Variants in TMEM39A observed in about 807,000 individuals in gnomAD.
TMEM39A encodes transmembrane protein 39A, also known as suppressor of SQST-1 aggregates in rpl-43 mutants.
A neutral mutation model predicts 51.9 loss-of-function variants in TMEM39A; 19 were observed. The ratio of observed to expected loss-of-function variants is 0.37; its 90% CI spans 0.26 to 0.54. TMEM39A has a LOEUF of 0.54. Ranked by LOEUF, TMEM39A falls within the 20% of genes least tolerant of loss-of-function variation. The pLI is 0.88. For synonymous variants in TMEM39A, 197 were observed against 220.2 expected (o/e 0.89, Z 0.93); for missense variants, 433 against 590.5 (o/e 0.73, Z 2.76).
intron 8 of TMEM39A, 134 bp downstream of exon 8, chr3:119,434,628 T>C: frequency 7.6e-7 from 1 of 1,317,910 alleles, no homozygotes; most frequent in Admixed American, 2.2e-5. Flanking sequence ...GGACCACTGT[T>C]ACGCTAGTAG....
intron 7 of TMEM39A, chr3:119,435,229 G>C (rs1359635237): frequency 2.0e-6 from 2 of 985,306 alleles, no homozygotes; most frequent in Non-Finnish European, 2.4e-6. Context: ...GAGTCTACTG[G>C]TGGAAATGCT....
At chr3:119,437,580 G>A (rs72970308) in intron 6 of TMEM39A, among the ~76,000 whole-genome samples, 175 bp downstream of exon 6, 2,942 of 151,510 alleles carry the variant, frequency 0.019, 84 homozygotes, top group African/African-American at 0.067. Flanking sequence ...TCACATATAT[G>A]GAAATACCTA....
intron 5 of TMEM39A, among the ~76,000 whole-genome samples, chr3:119,446,211 T>C (rs892400808): frequency 6.6e-6 from 1 of 152,242 alleles, no homozygotes; most frequent in Admixed American, 6.5e-5. Flanking sequence ...AGTCAAGAAC[T>C]TTCCCTTTTC....
chr3:119,450,404 T>C (rs537271280), intron 4 of TMEM39A, among the ~76,000 whole-genome samples: 11 of 152,230 alleles, frequency 7.2e-5, no homozygotes, highest in Non-Finnish European at 1.6e-4. Flanking sequence ...CTGTATGCTA[T>C]TCCATTATGT....
chr3:119,431,904 T>G lies in TMEM39A; in HGVS notation c.*77A>C. On this transcript the variant is annotated 3_prime_UTR_variant, in exon 9 of 9. Transcript: ENST00000319172. ...ACAAAATATAAAATATCTTAAATAT[T>G]TATAAAAATCACAAGAAAAAAATAG... 1 of 980,680 alleles carries G rather than the reference T, an allele frequency of 1.0e-6. No individual in the cohort carries two copies. Among genetic ancestry groups the G allele is most frequent in the Non-Finnish European group, 1.5e-6 (1 of 686,978 alleles). 60.7% of individuals were successfully genotyped at this position (980,680 alleles called of 1,614,324 possible). A position where few individuals can be genotyped will look rare whatever the true frequency, so the allele number is the denominator to read the frequency against.
At chr3:119,457,516 C>G (rs1344836657) in intron 3 of TMEM39A, among the ~76,000 whole-genome samples, 1 of 152,188 alleles carries the variant, frequency 6.6e-6, no homozygotes, top group African/African-American at 2.4e-5. Context: ...GCTCTTTCCC[C>G]TTCTGGCTGA....
chr3:119,437,747 C>A lies in TMEM39A; in HGVS notation c.924+8G>T. On this transcript the variant is annotated splice_region_variant and intron_variant, in intron 6 of 8. Coordinates refer to ENST00000319172, the MANE Select transcript of TMEM39A (RefSeq NM_018266.3). ...CAGGAAGCACATAAAAGTAAGATAA[C>A]CACTTACCTTCACAAAACACAGGGG... The A allele has an allele frequency of 6.6e-7, 1 of 1,523,142 alleles. No homozygotes were observed. The highest frequency in any genetic ancestry group is 1.3e-5 in the South Asian group (1 of 78,084). 94.4% of individuals were successfully genotyped at this position (1,523,142 alleles called of 1,614,324 possible). A position where few individuals can be genotyped will look rare whatever the true frequency, so the allele number is the denominator to read the frequency against.
At chr3:119,438,701 T>G (rs912444371) in intron 5 of TMEM39A, among the ~76,000 whole-genome samples, 1 of 152,222 alleles carries the variant, frequency 6.6e-6, no homozygotes, top group African/African-American at 2.4e-5. Context: ...TGATAAGGAT[T>G]TTCCCAATAC....
At chr3:119,437,281 G>C (rs2080982301) in intron 6 of TMEM39A, among the ~76,000 whole-genome samples, 1 of 152,164 alleles carries the variant, frequency 6.6e-6, no homozygotes, top group Admixed American at 6.5e-5. Context: ...AATGGGTGAA[G>C]AAAGGGCACT....
chr3:119,460,603 C>T (rs1376710374), intron 2 of TMEM39A, among the ~76,000 whole-genome samples: 1 of 152,110 alleles, frequency 6.6e-6, no homozygotes, highest in Non-Finnish European at 1.5e-5. Flanking sequence ...AGCCCTCCTA[C>T]AGCAACCCCT....
chr3:119,453,235 C>T (rs1331220940), intron 3 of TMEM39A, among the ~76,000 whole-genome samples: 1 of 152,140 alleles, frequency 6.6e-6, no homozygotes, highest in African/African-American at 2.4e-5. Flanking sequence ...ACAATTCCTT[C>T]CAGAATGAAA....
intron 2 of TMEM39A, among the ~76,000 whole-genome samples, chr3:119,458,849 A>G (rs1456304641): frequency 6.6e-6 from 1 of 152,166 alleles, no homozygotes; most frequent in East Asian, 1.9e-4. Flanking sequence ...GAGCTGAGGT[A>G]GCACCATTGC....
At chr3:119,443,063 CAAAAAAAAA>C (rs56263355) in intron 5 of TMEM39A, among the ~76,000 whole-genome samples, 2 of 53,090 alleles carry the variant, frequency 3.8e-5, no homozygotes, top group East Asian at 1.0e-3. Context: ...GACCCTGTCT[CAAAAAAAAA>C]AAAAAAAAAA....
chr3:119,453,715 G>T (rs2081228934), intron 3 of TMEM39A, among the ~76,000 whole-genome samples: 1 of 152,144 alleles, frequency 6.6e-6, no homozygotes, highest in Admixed American at 6.5e-5. Context: ...TTGCCATGCT[G>T]ATGTTATATC....
Position 119,432,085 on chromosome 3 carries a change from G to C in TMEM39A, c.1363C>G (p.Leu455Val). The change falls in exon 9 of 9, where the codon CTC becomes GTC. Residue 455 changes from leucine (L) to valine (V), a missense_variant. Leu to Val is a conservative substitution (Grantham distance 32). This residue lies in a region of TMEM39A where 223 missense variants were observed against 328.1 expected (regional missense o/e 0.68). Transcript: ENST00000319172. ...AATAAAACATAGTAGTTGCAGAAGA[G>C]GATGAGAGCCATGGAAAGTGTGTGG... is the stretch of plus-strand genomic sequence containing the variant. ...WNHTLSMALI[L>V]FCNYYVLFKL... is the part of the protein sequence containing the mutation. The C allele has an allele frequency of 6.2e-7, 1 of 1,613,316 alleles. No individual in the cohort carries two copies. The highest frequency in any genetic ancestry group is 8.5e-7 in the Non-Finnish European group (1 of 1,179,496).
intron 2 of TMEM39A, among the ~76,000 whole-genome samples, chr3:119,458,454 T>C (rs1280020947): frequency 6.6e-6 from 1 of 152,202 alleles, no homozygotes. Context: ...AAGACTATAA[T>C]TTCTCTCCAT....
intron 4 of TMEM39A, among the ~76,000 whole-genome samples, chr3:119,451,980 T>C (rs1215446587): frequency 6.6e-6 from 1 of 152,224 alleles, no homozygotes. Flanking sequence ...ATTAATCCTA[T>C]ACGAATTCTG....
chr3:119,431,940 A>C lies in TMEM39A; in HGVS notation c.*41T>G, dbSNP rs1216594816. On this transcript the variant is annotated 3_prime_UTR_variant, in exon 9 of 9. Transcript: ENST00000319172. ...ACAAGAAAAAAATAGAACGTATGAA[A>C]ATATTTTTATCTGAGTTCTCCCTCA... 10 of 1,334,328 alleles carry C rather than the reference A, an allele frequency of 7.5e-6. No homozygotes were observed. In the South Asian group the frequency reaches 1.6e-4, roughly 21 times the overall value. The allele number at this position is 1,334,328 out of a possible 1,614,324, so 82.7% of individuals were successfully genotyped here.
intron 5 of TMEM39A, among the ~76,000 whole-genome samples, chr3:119,440,052 G>T (rs1014036309): frequency 2.0e-5 from 3 of 152,164 alleles, no homozygotes; most frequent in African/African-American, 4.8e-5. Context: ...ACAGGTGTAA[G>T]CCACCGCACC....
Sources: allele counts gnomAD v4.1 joint callset (sites outside exome capture counted in the v4.1 genomes callset), GRCh38; gene constraint gnomAD v4.1.1; regional missense constraint gnomAD v4.1.1; transcripts MANE v1.5; gene names NCBI Gene and HGNC (gene_info 2026-07-23, HGNC 2026-07-21).